Variants in CADPS observed in about 807,000 individuals in gnomAD.
CADPS encodes calcium dependent secretion activator, also known as calcium-dependent secretion activator 1.
Under a neutral mutation model 167.3 loss-of-function variants are expected in CADPS, and 57 were observed. The observed-to-expected ratio is 0.34, with a 90% CI of 0.28 to 0.42. The LOEUF is 0.42. Ranked by LOEUF, CADPS falls within the 20% of genes least tolerant of loss-of-function variation. The pLI, the probability that CADPS is intolerant of heterozygous loss-of-function variation, is 1.00. For synonymous variants in CADPS, 676 were observed against 635.3 expected, an observed-to-expected ratio of 1.06 and a Z score of -0.96; for missense variants, 1,414 against 1,738.1, an observed-to-expected ratio of 0.81 and a Z score of 3.32.
Position 62,544,502 on chromosome 3 carries a change from T to G in CADPS, c.1966+5401A>C, listed in dbSNP as rs1232183558. ...TGTTTTCAGGCATTAAGCAGTCAGG[T>G]AGCTGTGAATTACATGAAACAAAGG... is the stretch of plus-strand genomic sequence containing the variant. On this transcript the variant is annotated intron_variant, in intron 11 of 29. Coordinates refer to ENST00000383710, the MANE Select transcript of CADPS (RefSeq NM_003716.4). This position sits in a 1 kb window ranked among gnomAD's most constrained non-coding sequence, Gnocchi z 4.4. Among the ~76,000 whole-genome samples the G allele has an allele frequency of 6.6e-6, 1 of 152,130 alleles. No homozygotes were observed. The highest frequency in any genetic ancestry group is 1.5e-5 in the Non-Finnish European group (1 of 68,018).
Position 62,558,171 on chromosome 3 carries a change from A to C in CADPS, c.1645-658T>G, listed in dbSNP as rs1258254566. 2.0e-5 allele frequency among the ~76,000 whole-genome samples: 3 copies of C among 152,220 alleles called. No homozygotes were observed. The East Asian group carries it at 5.8e-4, about 29-fold the overall frequency. ...GCAGGAGTGACATGCTGTCACAAGCAATGAGCGCTTGATCGCTAGGTGCCA... is the reference window on the plus strand; with the variant it reads ...GCAGGAGTGACATGCTGTCACAAGCCATGAGCGCTTGATCGCTAGGTGCCA... On this transcript the variant is annotated intron_variant, in intron 9 of 29. Transcript: ENST00000383710.
chr3:62,571,652 C>T (rs2081313822), intron 8 of CADPS, among the ~76,000 whole-genome samples: 1 of 151,812 alleles, frequency 6.6e-6, no homozygotes, highest in South Asian at 2.1e-4. Context: ...GCAACCTCCT[C>T]CTCCTGGGTT....
At chr3:62,701,685 G>T (rs1362320219) in intron 3 of CADPS, among the ~76,000 whole-genome samples, 1 of 151,780 alleles carries the variant, frequency 6.6e-6, no homozygotes, top group African/African-American at 2.4e-5. Context: ...CAAAGCACCT[G>T]CAGGCTCACA....
intron 28 of CADPS, among the ~76,000 whole-genome samples, chr3:62,416,748 C>T (rs1157547907): frequency 6.6e-6 from 1 of 152,156 alleles, no homozygotes; most frequent in Non-Finnish European, 1.5e-5. Flanking sequence ...ACTGGAGGTT[C>T]TTCCTGGGGG....
intron 1 of CADPS, among the ~76,000 whole-genome samples, chr3:62,823,986 T>C (rs2073520702): frequency 6.6e-6 from 1 of 152,062 alleles, no homozygotes; most frequent in Non-Finnish European, 1.5e-5. Context: ...TGACTTCTCC[T>C]CTTTGCAGGC....
chr3:62,820,073 T>G lies in CADPS; in HGVS notation c.442-54089A>C, dbSNP rs535127332. ...CACACACGATACAAATAAATTGAAA[T>G]TAAAGAAGCCATAAAAAGATGCAAT... On this transcript the variant is annotated intron_variant, in intron 1 of 29. Coordinates refer to ENST00000383710, the MANE Select transcript of CADPS (RefSeq NM_003716.4). Among the ~76,000 whole-genome samples, 397 of 151,988 alleles carry G rather than the reference T, an allele frequency of 2.6e-3. 2 individuals are homozygous for G. The highest frequency in any genetic ancestry group is 0.014 in the Middle Eastern group (4 of 294).
At chr3:62,623,480 C>T (rs2063491696) in intron 6 of CADPS, among the ~76,000 whole-genome samples, 1 of 152,136 alleles carries the variant, frequency 6.6e-6, no homozygotes. Context: ...AAATCAAGTC[C>T]TATCCCTGGA....
intron 3 of CADPS, among the ~76,000 whole-genome samples, chr3:62,725,921 T>G (rs35792926): frequency 0.083 from 12,647 of 151,562 alleles, 679 homozygotes; most frequent in Non-Finnish European, 0.12. Flanking sequence ...AGGCATTGAG[T>G]CATAAGCAGT....
chr3:62,758,251 A>C (rs1445899688), intron 2 of CADPS, among the ~76,000 whole-genome samples: 1 of 152,216 alleles, frequency 6.6e-6, no homozygotes, highest in Non-Finnish European at 1.5e-5. Context: ...CAAACTGAGA[A>C]GACTTTGAAA....
chr3:62,594,858 C>T (rs1273542484), intron 6 of CADPS, among the ~76,000 whole-genome samples: 2 of 152,182 alleles, frequency 1.3e-5, no homozygotes, highest in African/African-American at 4.8e-5. Flanking sequence ...CAGTGACTAT[C>T]CTGCCACCAT....
At chr3:62,798,717 T>C (rs1041785818) in intron 1 of CADPS, among the ~76,000 whole-genome samples, 3 of 152,138 alleles carry the variant, frequency 2.0e-5, no homozygotes, top group African/African-American at 7.2e-5. Flanking sequence ...TAGGATGTGT[T>C]AGGTACTTTT....
chr3:62,432,631 G>T (rs1050564345), intron 28 of CADPS, among the ~76,000 whole-genome samples: 1 of 152,160 alleles, frequency 6.6e-6, no homozygotes, highest in African/African-American at 2.4e-5. Flanking sequence ...TGATGATGGT[G>T]GTGGCTAACA....
At chr3:62,697,026 C>G (rs2367320) in intron 3 of CADPS, among the ~76,000 whole-genome samples, 83,189 of 151,998 alleles carry the variant, frequency 0.55, 24,336 homozygotes, top group East Asian at 0.89. Context: ...CAAATATATC[C>G]GCTTTGGAGA....
Position 62,446,126 on chromosome 3 carries a change from A to T in CADPS, c.3637-329T>A, listed in dbSNP as rs1560485917. 6.6e-6 allele frequency among the ~76,000 whole-genome samples: 1 copy of T among 152,150 alleles called. No homozygotes were observed. The highest frequency in any genetic ancestry group is 1.5e-5 in the Non-Finnish European group (1 of 68,014). On this transcript the variant is annotated intron_variant, in intron 26 of 29. Coordinates refer to ENST00000383710, the MANE Select transcript of CADPS (RefSeq NM_003716.4). This position sits in a 1 kb window ranked among gnomAD's most constrained non-coding sequence, Gnocchi z 4.9. ...TAGTCCGGGGCTTACCAGTCTAGAG[A>T]AGCAACTAAGATTGCTGTTACTTCT...
intron 7 of CADPS, among the ~76,000 whole-genome samples, chr3:62,588,946 C>T (rs861303): frequency 0.64 from 96,806 of 151,968 alleles, 32,135 homozygotes; most frequent in East Asian, 0.94. Flanking sequence ...CAGAGACTAT[C>T]TGGGGAAGGA....
At chr3:62,651,310 G>A (rs538745127) in intron 4 of CADPS, among the ~76,000 whole-genome samples, 116 of 152,228 alleles carry the variant, frequency 7.6e-4, no homozygotes, top group African/African-American at 2.4e-3. Flanking sequence ...TAAACATATA[G>A]TAAGAAACAT....
intron 1 of CADPS, among the ~76,000 whole-genome samples, chr3:62,785,534 G>C (rs80227478): frequency 0.049 from 7,524 of 152,204 alleles, 269 homozygotes; most frequent in Middle Eastern, 0.092. Context: ...GAGATCTCTG[G>C]TCATTCCCAA....
At chr3:62,547,554 T>C (rs996463516) in intron 11 of CADPS, among the ~76,000 whole-genome samples, 15 of 148,324 alleles carry the variant, frequency 1.0e-4, no homozygotes, top group African/African-American at 3.8e-4. Context: ...CTCAGCCTAC[T>C]TTACATATTC....
At chr3:62,656,784 C>A (rs540877977) in intron 4 of CADPS, among the ~76,000 whole-genome samples, 1 of 152,290 alleles carries the variant, frequency 6.6e-6, no homozygotes, top group East Asian at 1.9e-4. Flanking sequence ...GCACTTTGGG[C>A]TCAGGCATTA....
Sources: allele counts gnomAD v4.1 joint callset (sites outside exome capture counted in the v4.1 genomes callset), GRCh38; gene constraint gnomAD v4.1.1; non-coding constraint Gnocchi (gnomAD v3.1); transcripts MANE v1.5; gene names NCBI Gene and HGNC (gene_info 2026-07-23, HGNC 2026-07-21).